HOOK3: variants seen among roughly 807,000 people sequenced by gnomAD.
The protein encoded by HOOK3 is hook microtubule tethering protein 3, also known as protein Hook homolog 3.
HOOK3 carries 24 observed loss-of-function variants against 116.3 expected under a neutral mutation model. That is an observed-to-expected ratio of 0.21 (90% CI 0.15 to 0.29). The LOEUF (loss-of-function observed/expected upper bound fraction) is 0.29. HOOK3 is among the 10% of genes least tolerant of loss of function. The pLI is 1.00. For synonymous variants in HOOK3, 275 were observed against 283.0 expected, an observed-to-expected ratio of 0.97 and a Z score of 0.28; for missense variants, 632 against 830.2, an observed-to-expected ratio of 0.76 and a Z score of 2.93.
At chr8:42,938,234 C>CTTTTTTTTTTTTTTTTTTTT (rs1377834778) in intron 4 of HOOK3, among the ~76,000 whole-genome samples, 5 of 103,336 alleles carry the variant, frequency 4.8e-5, no homozygotes, top group African/African-American at 9.0e-5. Flanking sequence ...TTTTTTTTTG[C>CTTTTTTTTTTTTTTTTTTTT]TTTCCATTTG....
chr8:42,945,624 T>G lies in HOOK3; in HGVS notation c.400+2179T>G, dbSNP rs371114498. On this transcript the variant is annotated intron_variant, in intron 5 of 21. Transcript: ENST00000307602. ...CCACCCCAGCCTATATATAGTATTT[T>G]AAAACATTTTCATTCAGTTATTTTA... 4.6e-5 allele frequency among the ~76,000 whole-genome samples: 7 copies of G among 152,306 alleles called. No homozygotes were observed. In the East Asian group the frequency reaches 1.3e-3, roughly 29 times the overall value.
chr8:42,944,384 C>T (rs896904591), intron 5 of HOOK3, among the ~76,000 whole-genome samples: 2 of 150,568 alleles, frequency 1.3e-5, no homozygotes, highest in African/African-American at 4.9e-5. Flanking sequence ...TCACTGCACT[C>T]CAGCCTGGGC....
intron 1 of HOOK3, among the ~76,000 whole-genome samples, chr8:42,905,774 C>CAA (rs113517967): frequency 8.2e-5 from 10 of 121,944 alleles, no homozygotes; most frequent in African/African-American, 1.2e-4. Context: ...AGATAATCAC[C>CAA]AAAAAAAAAA....
intron 1 of HOOK3, among the ~76,000 whole-genome samples, chr8:42,904,754 C>G (rs887125792): frequency 5.3e-5 from 8 of 152,150 alleles, no homozygotes; most frequent in Non-Finnish European, 8.8e-5. Context: ...TGTCTTTCAC[C>G]GTTTTAATTC....
At chr8:42,997,003 C>T (rs1425408652) in intron 15 of HOOK3, among the ~76,000 whole-genome samples, 1 of 145,570 alleles carries the variant, frequency 6.9e-6, no homozygotes, top group African/African-American at 2.5e-5. Flanking sequence ...ACCTCCTGGG[C>T]TCAAGCGATC....
At chr8:42,934,573 G>A (rs1040061814) in intron 4 of HOOK3, among the ~76,000 whole-genome samples, 3 of 151,922 alleles carry the variant, frequency 2.0e-5, no homozygotes, top group Admixed American at 1.3e-4. Context: ...GCCCCAGTGG[G>A]TGATGTTCCC....
chr8:43,029,081 A>G lies in HOOK3; in HGVS notation c.*10583A>G, dbSNP rs1809984719. 1.6e-5 allele frequency: 3 copies of G among 184,146 alleles called. No homozygotes were observed. The highest frequency in any genetic ancestry group is 7.1e-5 in the African/African-American group (3 of 42,534). 11.4% of individuals were successfully genotyped at this position (184,146 alleles called of 1,614,324 possible). On this transcript the variant is annotated 3_prime_UTR_variant, in exon 22 of 22. Transcript: ENST00000307602. ...GAAATAGCATTTTACTCTAAATACA[A>G]GAAATGACTGTACACAAATGCTAAT...
intron 16 of HOOK3, chr8:43,000,143 G>A (rs940952404): frequency 1.6e-5 from 9 of 555,044 alleles, no homozygotes; most frequent in East Asian, 1.4e-4. Context: ...GCGAGACTCC[G>A]TCTGAAAAAA....
intron 6 of HOOK3, among the ~76,000 whole-genome samples, chr8:42,953,707 C>G (rs1808383860): frequency 6.6e-6 from 1 of 151,750 alleles, no homozygotes; most frequent in Non-Finnish European, 1.5e-5. Context: ...TGTACACTTG[C>G]AAGTAATGCC....
chr8:43,027,629 G>A lies in HOOK3; in HGVS notation c.*9131G>A, dbSNP rs559752636. On this transcript the variant is annotated 3_prime_UTR_variant, in exon 22 of 22. Coordinates refer to ENST00000307602, the MANE Select transcript of HOOK3 (RefSeq NM_032410.4). ...AAAGTGAAACATAACACATAAGGAC[G>A]AAATACAATGTTCTGAATATCTTCC... The A allele has an allele frequency of 1.3e-5, 3 of 225,692 alleles. No homozygotes were observed. Among genetic ancestry groups the A allele is most frequent in the South Asian group, 1.1e-4 (1 of 9,166 alleles). The allele number at this position is 225,692 out of a possible 1,614,324, so 14.0% of individuals were successfully genotyped here. A position where few individuals can be genotyped will look rare whatever the true frequency, so the allele number is the denominator to read the frequency against.
intron 14 of HOOK3, among the ~76,000 whole-genome samples, chr8:42,983,863 C>T (rs1808998396): frequency 6.6e-6 from 1 of 152,128 alleles, no homozygotes; most frequent in Admixed American, 6.5e-5. Context: ...TAAAAGGAGA[C>T]TGATTAATTC....
rs778411339 is a variant in HOOK3 at position 43,025,628 on chromosome 8, CTT to C, written c.*7131_*7132del. On this transcript the variant is annotated 3_prime_UTR_variant, in exon 22 of 22. Transcript: ENST00000307602. The stretch of plus-strand genomic sequence containing the variant: ...ATGTTTACTAGTAAAGGGAAAAACA[CTT>C]ATTTTCATTTTGAGACTGTTTGGCT... The C allele has an allele frequency of 4.7e-5, 10 of 212,834 alleles. No individual in the cohort carries two copies. The highest frequency in any genetic ancestry group is 8.5e-5 in the Non-Finnish European group (9 of 105,384). The allele number at this position is 212,834 out of a possible 1,614,324, so 13.2% of individuals were successfully genotyped here.
chr8:42,974,767 G>A (rs1159378937), intron 13 of HOOK3, among the ~76,000 whole-genome samples: 1 of 152,220 alleles, frequency 6.6e-6, no homozygotes, highest in Non-Finnish European at 1.5e-5. Context: ...GCAAAAAGGG[G>A]AAGAGGAATC....
At chr8:42,898,450 G>C (rs1381076846) in intron 1 of HOOK3, among the ~76,000 whole-genome samples, 1 of 152,168 alleles carries the variant, frequency 6.6e-6, no homozygotes, top group Non-Finnish European at 1.5e-5. Flanking sequence ...AGGAAGACTG[G>C]TAAGTTGTAT....
chr8:42,988,004 T>C (rs1403438733), intron 15 of HOOK3, among the ~76,000 whole-genome samples: 1 of 152,032 alleles, frequency 6.6e-6, no homozygotes, highest in African/African-American at 2.4e-5. Context: ...ATCTTAGGAG[T>C]CACAATTGCT....
rs777418205 is a variant in HOOK3, at chr8:43,018,460, T to C, written c.2119T>C (p.Ser707Pro). The change falls in exon 22 of 22, where the codon TCA (serine) becomes CCA (proline). Residue 707 changes from serine to proline, a missense_variant. By Grantham distance (74) the Ser-to-Pro change is moderately conservative. This residue lies in a region of HOOK3 where 483 missense variants were observed against 648.1 expected (regional missense o/e 0.75). Coordinates refer to ENST00000307602, the MANE Select transcript of HOOK3 (RefSeq NM_032410.4). The part of the protein sequence containing the change: ...RQRQATSSRR[S>P]YPGHVQPATA... ...GAGGCAAGCGACCAGCAGCAGAAGA[T>C]CATACCCAGGCCACGTGCAGCCGGC... 6.2e-7 allele frequency: 1 copy of C among 1,613,682 alleles called. No individual in the cohort carries two copies. The highest frequency in any genetic ancestry group is 1.1e-5 in the South Asian group (1 of 91,018).
At chr8:43,014,392 C>A (rs1366476441) in intron 21 of HOOK3, among the ~76,000 whole-genome samples, 5 of 151,228 alleles carry the variant, frequency 3.3e-5, no homozygotes, top group African/African-American at 7.3e-5. Flanking sequence ...CGCTGTGTAT[C>A]CTAGGCTGGA....
At chr8:43,011,217 TCTC>T (rs1427839347) in intron 19 of HOOK3, among the ~76,000 whole-genome samples, 1 of 152,048 alleles carries the variant, frequency 6.6e-6, no homozygotes, top group Non-Finnish European at 1.5e-5. Context: ...ATGGGCTTGA[TCTC>T]CTGACCTCGT....
At chr8:42,973,206 G>A in intron 11 of HOOK3, 83 bp from the exon 12 acceptor site, 1 of 1,450,836 alleles carries the variant, frequency 6.9e-7, no homozygotes, top group East Asian at 2.3e-5. Flanking sequence ...AGAGATTTTG[G>A]TTTTCTTAAA....
Sources: allele counts gnomAD v4.1 joint callset (sites outside exome capture counted in the v4.1 genomes callset), GRCh38; gene constraint gnomAD v4.1.1; regional missense constraint gnomAD v4.1.1; transcripts MANE v1.5; gene names NCBI Gene and HGNC (gene_info 2026-07-23, HGNC 2026-07-21).